NUAK2: variants seen among roughly 807,000 people sequenced by gnomAD.
The protein encoded by NUAK2 is NUAK family SNF1-like kinase 2.
In NUAK2, 20 loss-of-function variants were observed where a neutral mutation model predicts 29.8. The observed-to-expected ratio is 0.67, with a 90% CI of 0.47 to 0.98. The LOEUF is 0.98. NUAK2 is among the 50% of genes least tolerant of loss of function. NUAK2 has a pLI of 0.00. For synonymous variants in NUAK2, 331 were observed against 342.6 expected (o/e 0.97, Z 0.37); for missense variants, 719 against 834.5 (o/e 0.86, Z 1.71).
At chr1:205,306,424 G>T in intron 4 of NUAK2, 117 bp from the exon 5 acceptor site, 1 of 1,366,016 alleles carries the variant, frequency 7.3e-7, no homozygotes. Context: ...GAAGGAAAGG[G>T]TCCCCATGAC....
At chr1:205,318,085 G>A (rs549195137) in intron 1 of NUAK2, among the ~76,000 whole-genome samples, 129 of 152,358 alleles carry the variant, frequency 8.5e-4, no homozygotes, top group Middle Eastern at 6.8e-3. Context: ...TAAGGAAACT[G>A]AGGTACAGAG....
chr1:205,309,994 G>A (rs539298019), intron 2 of NUAK2, among the ~76,000 whole-genome samples: 1 of 152,336 alleles, frequency 6.6e-6, no homozygotes, highest in East Asian at 1.9e-4. Flanking sequence ...CTTCTGCCTG[G>A]TGTGTATTAG....
chr1:205,319,571 A>G (rs1318803679), intron 1 of NUAK2, among the ~76,000 whole-genome samples: 1 of 152,134 alleles, frequency 6.6e-6, no homozygotes, highest in Non-Finnish European at 1.5e-5. Flanking sequence ...ACGAAGCACA[A>G]GCCACCAGCA....
chr1:205,318,414 A>C (rs1662358600), intron 1 of NUAK2, among the ~76,000 whole-genome samples: 1 of 152,220 alleles, frequency 6.6e-6, no homozygotes, highest in African/African-American at 2.4e-5. Context: ...CCAGGAGCCC[A>C]TATTGCAGGC....
intron 1 of NUAK2, 42 bp from the exon 2 acceptor site, chr1:205,311,867 G>A (rs780154236): frequency 1.9e-6 from 3 of 1,610,666 alleles, no homozygotes; most frequent in South Asian, 2.2e-5. Flanking sequence ...AGGTTTGGCA[G>A]AGGACACTCT....
rs769717383 is a variant in NUAK2 at position 205,303,800 on chromosome 1, A to T, written c.1537T>A (p.Leu513Met). The T allele has an allele frequency of 2.5e-6, 4 of 1,586,328 alleles. No homozygotes were observed. In the South Asian group the frequency reaches 4.6e-5, roughly 18 times the overall value. Residue 513 changes from leucine to methionine, a missense_variant, in exon 7 of 7, where the codon TTG (leucine) becomes ATG (methionine). Leu to Met is a conservative substitution (Grantham distance 15). Around this residue, in one of 3 missense-constraint regions of NUAK2, gnomAD observed 430 missense variants for 465.7 expected, o/e 0.92. Coordinates refer to ENST00000367157, the MANE Select transcript of NUAK2 (RefSeq NM_030952.3). The part of the protein sequence containing the change: ...KLNGKFSQTA[L>M]ELAAPTTFGS... ...AAGGTGGTGGGGGCCGCGAGCTCCA[A>T]GGCTGTCTGGGAGAACTTGCCATTG...
At chr1:205,314,202 G>A (rs1662294494) in intron 1 of NUAK2, among the ~76,000 whole-genome samples, 1 of 152,208 alleles carries the variant, frequency 6.6e-6, no homozygotes, top group African/African-American at 2.4e-5. Context: ...GGGATGGCGT[G>A]CCCTCCATCC....
At chr1:205,307,035 G>A (rs1431198062) in intron 4 of NUAK2, among the ~76,000 whole-genome samples, 1 of 152,184 alleles carries the variant, frequency 6.6e-6, no homozygotes, top group Non-Finnish European at 1.5e-5. Flanking sequence ...TCAGGGCTGT[G>A]GTTACAGCCC....
intron 1 of NUAK2, among the ~76,000 whole-genome samples, chr1:205,313,491 A>G (rs1323659475): frequency 6.6e-6 from 1 of 152,146 alleles, no homozygotes; most frequent in Non-Finnish European, 1.5e-5. Context: ...CAAAGCTCTG[A>G]GCCACCGAGG....
chr1:205,313,666 GTTTT>G (rs113409236), intron 1 of NUAK2, among the ~76,000 whole-genome samples: 1 of 146,792 alleles, frequency 6.8e-6, no homozygotes, highest in African/African-American at 2.5e-5. Flanking sequence ...AGAGCCTCGG[GTTTT>G]TTTTTTTTCT....
intron 1 of NUAK2, among the ~76,000 whole-genome samples, chr1:205,320,733 CTACG>C (rs1662402161): frequency 6.6e-6 from 1 of 152,206 alleles, no homozygotes; most frequent in East Asian, 1.9e-4. Flanking sequence ...TGCTAGACTC[CTACG>C]CTCGCACCAA....
intron 4 of NUAK2, 77 bp from the exon 5 acceptor site, chr1:205,306,384 C>G: frequency 1.3e-6 from 2 of 1,530,776 alleles, no homozygotes; most frequent in Non-Finnish European, 1.8e-6. Context: ...CCGCCCTTCT[C>G]CAGACCCTGG....
At chr1:205,305,130 A>G (rs1662161221) in intron 6 of NUAK2, 69 bp downstream of exon 6, 1 of 1,561,924 alleles carries the variant, frequency 6.4e-7, no homozygotes, top group Non-Finnish European at 8.7e-7. Flanking sequence ...GCCACTGTGT[A>G]GTTTCTGCCT....
At position 205,304,919 on chromosome 1, in the gene NUAK2, A is replaced by G. The variant is rs1662158069; in HGVS notation, c.823+280T>C. ...AAAGATTTCTGAAGATGAGAACAAA[A>G]GCAATAGGAAATGAGACAACTGTAG... On this transcript the variant is annotated intron_variant, in intron 6 of 6. Coordinates refer to ENST00000367157, the MANE Select transcript of NUAK2 (RefSeq NM_030952.3). This position sits in a 1 kb window ranked among gnomAD's most constrained non-coding sequence, Gnocchi z 6.5. 6.6e-6 allele frequency among the ~76,000 whole-genome samples: 1 copy of G among 152,210 alleles called. No homozygotes were observed. Among genetic ancestry groups the G allele is most frequent in the African/African-American group, 2.4e-5 (1 of 41,458 alleles).
At position 205,308,325 on chromosome 1, in the gene NUAK2, C is replaced by G; in HGVS notation, c.505-95G>C. ...AGACTGAGGTAAACACAAAGGGAGC[C>G]AAGTGGGCTTGAGCACAGGTAGGCT... On this transcript the variant is annotated intron_variant, in intron 3 of 6. Transcript: ENST00000367157. This position sits in a 1 kb window ranked among gnomAD's most constrained non-coding sequence, Gnocchi z 4.1. 4 of 987,922 alleles carry G rather than the reference C, an allele frequency of 4.0e-6. No homozygotes were observed. The highest frequency in any genetic ancestry group is 6.1e-6 in the Non-Finnish European group (4 of 655,620). 61.2% of individuals were successfully genotyped at this position (987,922 alleles called of 1,614,324 possible). A position where few individuals can be genotyped will look rare whatever the true frequency, so the allele number is the denominator to read the frequency against.
intron 1 of NUAK2, among the ~76,000 whole-genome samples, chr1:205,317,677 T>A (rs541118376): frequency 2.0e-5 from 3 of 152,094 alleles, no homozygotes; most frequent in East Asian, 3.9e-4. Flanking sequence ...AGGACAAGAG[T>A]GGCCTGCAGC....
At chr1:205,317,634 C>G (rs1188892582) in intron 1 of NUAK2, among the ~76,000 whole-genome samples, 1 of 152,200 alleles carries the variant, frequency 6.6e-6, no homozygotes, top group Non-Finnish European at 1.5e-5. Context: ...AGCTTCCCTG[C>G]CCAGCCTTCT....
chr1:205,314,882 C>T (rs1662305184), intron 1 of NUAK2, among the ~76,000 whole-genome samples: 1 of 151,932 alleles, frequency 6.6e-6, no homozygotes, highest in Admixed American at 6.6e-5. Context: ...ATGACAAGGC[C>T]TAAAATAAAT....
rs767762521 is a variant in NUAK2, at chr1:205,303,590, G to A, written c.1747C>T (p.Pro583Ser). 6.2e-7 allele frequency: 1 copy of A among 1,612,976 alleles called. No homozygotes were observed. Among genetic ancestry groups the A allele is most frequent in the Non-Finnish European group, 8.5e-7 (1 of 1,179,724 alleles). The change falls in exon 7 of 7, where the codon CCC becomes TCC. Residue 583 changes from proline (P) to serine (S), a missense_variant. By Grantham distance (74) the Pro-to-Ser change is moderately conservative. Transcript: ENST00000367157. ...SVDNLTGLEEPPSEGPGSCLR... is the reference protein window; with the variant it reads ...SVDNLTGLEESPSEGPGSCLR... ...CAGCTTCCAGGGCCCTCTGAGGGGG[G>A]CTCCTCAAGCCCCGTGAGGTTGTCC...
Sources: gnomAD v4.1 joint callset for allele counts (sites outside exome capture counted in the v4.1 genomes callset) on GRCh38, gnomAD v4.1.1 for gene constraint, gnomAD v4.1.1 regional missense constraint, Gnocchi (gnomAD v3.1) non-coding constraint, MANE v1.5 for transcripts, NCBI Gene and HGNC (gene_info 2026-07-23, HGNC 2026-07-21) for gene names.